ABHD2: variants seen among roughly 807,000 people sequenced by gnomAD.
The protein encoded by ABHD2 is abhydrolase domain containing 2, acylglycerol lipase.
A neutral mutation model predicts 48.1 loss-of-function variants in ABHD2; 20 were observed. That is an observed-to-expected ratio of 0.42 (90% CI 0.29 to 0.60). ABHD2 has a LOEUF of 0.60. Among genes scored for constraint, ABHD2 ranks in the 20% least tolerant of loss-of-function variants. ABHD2 has a pLI of 0.24. For synonymous variants in ABHD2, 209 were observed against 214.2 expected (o/e 0.98, Z 0.21); for missense variants, 405 against 550.9 (o/e 0.74, Z 2.65).
chr15:89,181,843 T>C (rs1343061111), intron 6 of ABHD2, among the ~76,000 whole-genome samples: 2 of 152,376 alleles, frequency 1.3e-5, no homozygotes, highest in East Asian at 3.9e-4. Context: ...CAGCTCTTCC[T>C]TGCCCAAGTG....
chr15:89,055,965 A>G, the ABHD2 span, among the ~76,000 whole-genome samples: 1 of 151,866 alleles, frequency 6.6e-6, no homozygotes, highest in Non-Finnish European at 1.5e-5. Flanking sequence ...CCGGGCTCAC[A>G]CAATCCTCCT....
rs970331259 is a variant in ABHD2 at position 89,092,538 on chromosome 15, A to AT, written c.-107+3981dup. ...CAATACATTCACATGATGAAAGAAAATTTTTTAAAGGCACAAAAGGTTAAC... is the reference window on the plus strand; with the variant it reads ...CAATACATTCACATGATGAAAGAAAATTTTTTTAAAGGCACAAAAGGTTAAC... On this transcript the variant is annotated intron_variant, in intron 1 of 10. Transcript: ENST00000352732. This position sits in a 1 kb window ranked among gnomAD's most constrained non-coding sequence, Gnocchi z 4.4. Among the ~76,000 whole-genome samples, 2 of 152,170 alleles carry AT rather than the reference A, an allele frequency of 1.3e-5. No homozygotes were observed. The highest frequency in any genetic ancestry group is 4.8e-5 in the African/African-American group (2 of 41,434).
At chr15:89,134,430 C>G (rs2050270142) in intron 3 of ABHD2, among the ~76,000 whole-genome samples, 1 of 152,154 alleles carries the variant, frequency 6.6e-6, no homozygotes, top group African/African-American at 2.4e-5. Context: ...CCACCTTTTT[C>G]ACCAACTAAA....
chr15:89,188,303 G>A lies in ABHD2; in HGVS notation c.926G>A (p.Arg309Lys). 1 of 1,614,038 alleles carries A rather than the reference G, an allele frequency of 6.2e-7. No homozygotes were observed. The highest frequency in any genetic ancestry group is 8.5e-7 in the Non-Finnish European group (1 of 1,179,948). Residue 309 changes from arginine to lysine, a missense_variant and splice_region_variant, in exon 8 of 11, where the codon AGG (arginine) becomes AAG (lysine). Physicochemically the swap from Arg to Lys is conservative, Grantham distance 26. Coordinates refer to ENST00000352732, the MANE Select transcript of ABHD2 (RefSeq NM_152924.5). The surrounding 1 kb of genome is among the most constrained non-coding windows in gnomAD (Gnocchi z 4.1). ...ATGCAGATTGATGACAATGTGATGA[G>A]GTGTGTCCGCGCAGGCGGGAGAGGG... ...SLMQIDDNVM[R>K]KFHGYNSLKE...
chr15:89,130,369 C>T (rs1402430399), intron 3 of ABHD2, among the ~76,000 whole-genome samples: 1 of 152,160 alleles, frequency 6.6e-6, no homozygotes, highest in Non-Finnish European at 1.5e-5. Context: ...CCAGGAAGAG[C>T]AATGTCACAC....
Position 89,201,930 on chromosome 15 carries a change from T to C in ABHD2, c.*6507T>C, listed in dbSNP as rs538625558. The stretch of plus-strand genomic sequence containing the variant: ...GACTCTGTTCAACCACATTCTTATG[T>C]TGGCAGATCTGCTTCCAGATTGATT... On this transcript the variant is annotated 3_prime_UTR_variant, in exon 11 of 11. Coordinates refer to ENST00000352732, the MANE Select transcript of ABHD2 (RefSeq NM_152924.5). The C allele has an allele frequency of 7.3e-5, 39 of 534,258 alleles. 1 individual carries two copies. In the Middle Eastern group the frequency reaches 4.0e-3, roughly 54 times the overall value. 33.1% of individuals were successfully genotyped at this position (534,258 alleles called of 1,614,324 possible).
At chr15:89,141,836 C>T (rs543323305) in intron 3 of ABHD2, among the ~76,000 whole-genome samples, 4 of 152,306 alleles carry the variant, frequency 2.6e-5, no homozygotes, top group East Asian at 1.9e-4. Flanking sequence ...CAGGGTTCTC[C>T]GTGTTGCTGA....
At chr15:89,165,502 C>T (rs2050824687) in intron 5 of ABHD2, among the ~76,000 whole-genome samples, 1 of 152,052 alleles carries the variant, frequency 6.6e-6, no homozygotes, top group Admixed American at 6.5e-5. Context: ...CTTGTAATCT[C>T]AGCTACTCAG....
chr15:89,191,071 G>A lies in ABHD2; in HGVS notation c.927-9G>A, dbSNP rs182988934. 130 of 1,612,956 alleles carry A rather than the reference G, an allele frequency of 8.1e-5. No individual in the cohort carries two copies. Among genetic ancestry groups the A allele is most frequent in the Non-Finnish European group, 1.3e-5 (15 of 1,179,776 alleles). Reference sequence around the variant, plus strand: ...CTTTTTCTTTTTTTCTTTTTCTGGTGTGTTGCAGGAAGTTTCACGGCTATA... The same window carrying A: ...CTTTTTCTTTTTTTCTTTTTCTGGTATGTTGCAGGAAGTTTCACGGCTATA... On this transcript the variant is annotated splice_polypyrimidine_tract_variant and intron_variant, in intron 8 of 10. Coordinates refer to ENST00000352732, the MANE Select transcript of ABHD2 (RefSeq NM_152924.5).
intron 5 of ABHD2, among the ~76,000 whole-genome samples, chr15:89,172,024 C>CA: frequency 8.2e-6 from 1 of 121,604 alleles, no homozygotes; most frequent in African/African-American, 3.4e-5. Flanking sequence ...ATTTTTCCTG[C>CA]TTTTTTTTTA....
chr15:89,142,181 C>T (rs1174804735), intron 3 of ABHD2, among the ~76,000 whole-genome samples: 1 of 152,174 alleles, frequency 6.6e-6, no homozygotes, highest in Non-Finnish European at 1.5e-5. Context: ...CTCAGGATCC[C>T]TGTGGTAAAG....
At chr15:89,081,619 C>A in the ABHD2 span, among the ~76,000 whole-genome samples, 1 of 152,190 alleles carries the variant, frequency 6.6e-6, no homozygotes, top group East Asian at 1.9e-4. Context: ...ATAGTCCCAG[C>A]ACTCTGGGAG....
At position 89,106,573 on chromosome 15, in the gene ABHD2, T is replaced by G. The variant is rs1264027095; in HGVS notation, c.-106-7152T>G. ...GACTCAGAGGACACAAAGGCACAAC[T>G]CAGACGGGGATGGCTAGGCCTTCTC... On this transcript the variant is annotated intron_variant, in intron 1 of 10. Coordinates refer to ENST00000352732, the MANE Select transcript of ABHD2 (RefSeq NM_152924.5). This position sits in a 1 kb window ranked among gnomAD's most constrained non-coding sequence, Gnocchi z 4.2. 6.6e-6 allele frequency among the ~76,000 whole-genome samples: 1 copy of G among 152,140 alleles called. No homozygotes were observed. The highest frequency in any genetic ancestry group is 1.5e-5 in the Non-Finnish European group (1 of 68,028).
the ABHD2 span, among the ~76,000 whole-genome samples, chr15:89,041,013 A>G: frequency 6.6e-6 from 1 of 152,260 alleles, no homozygotes. Flanking sequence ...TCTAGCAAGA[A>G]GATGCCAGCA....
intron 10 of ABHD2, chr15:89,193,563 T>C (rs538294305): frequency 7.4e-6 from 4 of 540,680 alleles, no homozygotes; most frequent in Non-Finnish European, 1.3e-5. Flanking sequence ...CCATAGCCAG[T>C]AGGGCTTTGG....
At chr15:89,058,421 A>T in the ABHD2 span, among the ~76,000 whole-genome samples, 2 of 152,170 alleles carry the variant, frequency 1.3e-5, no homozygotes, top group Admixed American at 1.3e-4. Context: ...GAAAATGAAG[A>T]TGCCCCGCAG....
In ABHD2 at chr15:89,137,457, C is replaced by G. The variant is rs2050333553; in HGVS notation, c.195-14220C>G. ...CTCATGGGGCTGTTCTCCTAACATT[C>G]ATATTTTATAGTTTGCACGATATGC... On this transcript the variant is annotated intron_variant, in intron 3 of 10. Coordinates refer to ENST00000352732, the MANE Select transcript of ABHD2 (RefSeq NM_152924.5). The surrounding 1 kb of genome is among the most constrained non-coding windows in gnomAD (Gnocchi z 4.8). Among the ~76,000 whole-genome samples the G allele has an allele frequency of 6.6e-6, 1 of 152,178 alleles. No individual in the cohort carries two copies. The highest frequency in any genetic ancestry group is 2.4e-5 in the African/African-American group (1 of 41,434).
chr15:89,093,686 C>A (rs985549936), intron 1 of ABHD2: 9 of 152,302 alleles, frequency 5.9e-5, no homozygotes, highest in African/African-American at 2.2e-4. Context: ...CAAGCCCACA[C>A]GTAATTTTGT....
chr15:89,042,407 C>T, the ABHD2 span, among the ~76,000 whole-genome samples: 1 of 152,120 alleles, frequency 6.6e-6, no homozygotes, highest in Non-Finnish European at 1.5e-5. Context: ...GCACATGCTC[C>T]AAGTACACCC....
Sources: gnomAD v4.1 joint callset for allele counts (sites outside exome capture counted in the v4.1 genomes callset) on GRCh38, gnomAD v4.1.1 for gene constraint, Gnocchi (gnomAD v3.1) non-coding constraint, MANE v1.5 for transcripts, NCBI Gene and HGNC (gene_info 2026-07-23, HGNC 2026-07-21) for gene names.